The following WWTR1 variants were observed in gnomAD, a reference collection of about 807,000 sequenced individuals.
The protein encoded by WWTR1 is WW domain-containing transcription regulator protein 1.
In WWTR1, 13 loss-of-function variants were observed where a neutral mutation model predicts 40.1. That is an observed-to-expected ratio of 0.32 (90% CI 0.21 to 0.52). WWTR1 has a LOEUF of 0.52. Ranked by LOEUF, WWTR1 falls within the 20% of genes least tolerant of loss-of-function variation. The pLI, the probability that WWTR1 is intolerant of heterozygous loss-of-function variation, is 0.97. For missense variants in WWTR1, 436 were observed against 523.1 expected (o/e 0.83, Z 1.63); for synonymous variants, 230 against 210.1 (o/e 1.09, Z -0.82).
At position 149,528,015 on chromosome 3, in the gene WWTR1, G is replaced by A. The variant is rs184528833; in HGVS notation, c.772-46C>T. The A allele has an allele frequency of 1.5e-4, 239 of 1,590,600 alleles. 1 individual carries two copies. In the African/African-American group the frequency reaches 3.1e-3, roughly 20 times the overall value. On this transcript the variant is annotated intron_variant, in intron 4 of 6. Transcript: ENST00000360632. ...AAGAGTCATGCACTCATTGTCACAA[G>A]GCATGGAGCAAAGTGTACTTCACAT... is the stretch of plus-strand genomic sequence containing the variant.
chr3:149,652,216 A>C (rs752574024), intron 2 of WWTR1, among the ~76,000 whole-genome samples: 42 of 151,890 alleles, frequency 2.8e-4, no homozygotes, highest in Non-Finnish European at 5.3e-4. Flanking sequence ...AATACAGGTT[A>C]TGGGTTCAGG....
chr3:149,659,350 T>TTTTTTTTG (rs1713462576), upstream of WWTR1: 1 of 148,488 alleles, frequency 6.7e-6, no homozygotes, highest in African/African-American at 2.5e-5. Context: ...TTTTTTTTTT[T>TTTTTTTTG]GAGTGACGTC....
intron 1 of WWTR1, among the ~76,000 whole-genome samples, chr3:149,687,888 T>C (rs1163187173): frequency 6.6e-6 from 1 of 151,590 alleles, no homozygotes; most frequent in African/African-American, 2.4e-5. Context: ...TGAAGGGAGA[T>C]ACAAAGACCT....
At chr3:149,601,375 T>A (rs1836683) in intron 2 of WWTR1, among the ~76,000 whole-genome samples, 3,664 of 152,188 alleles carry the variant, frequency 0.024, 129 homozygotes, top group African/African-American at 0.085. Context: ...TTATTGTATT[T>A]TTAGTAAAGA....
At chr3:149,528,082 C>T in intron 4 of WWTR1, 113 bp from the exon 5 acceptor site, 1 of 1,354,486 alleles carries the variant, frequency 7.4e-7, no homozygotes, top group Non-Finnish European at 9.9e-7. Flanking sequence ...TATTTACTCC[C>T]AGCAAGTCAA....
Position 149,579,313 on chromosome 3 carries a change from G to C in WWTR1, c.432-6313C>G, listed in dbSNP as rs1278356731. Among the ~76,000 whole-genome samples the C allele has an allele frequency of 2.6e-5, 4 of 152,118 alleles. No homozygotes were observed. The East Asian group carries it at 7.7e-4, about 29-fold the overall frequency. ...CCTCTTCTTTTGCCACAACCTAGCT[G>C]AGCAGTTAAAGAGAACCACACCAAT... On this transcript the variant is annotated intron_variant, in intron 2 of 6. Coordinates refer to ENST00000360632, the MANE Select transcript of WWTR1 (RefSeq NM_015472.6).
At chr3:149,654,129 A>T (rs933480596) in intron 2 of WWTR1, among the ~76,000 whole-genome samples, 166 of 58,488 alleles carry the variant, frequency 2.8e-3, no homozygotes, top group Non-Finnish European at 2.1e-3. Flanking sequence ...TAAAAAAATT[A>T]AAAAAAAAAA....
intron 2 of WWTR1, among the ~76,000 whole-genome samples, chr3:149,589,168 C>T (rs533643977): frequency 1.3e-5 from 2 of 152,176 alleles, no homozygotes; most frequent in African/African-American, 4.8e-5. Flanking sequence ...TATCCAGCAC[C>T]TGTCAGCCTG....
At position 149,546,098 on chromosome 3, in the gene WWTR1, A is replaced by G. The variant is rs372787469; in HGVS notation, c.569-3561T>C. 3.3e-5 allele frequency among the ~76,000 whole-genome samples: 5 copies of G among 152,334 alleles called. No individual in the cohort carries two copies. In the East Asian group the frequency reaches 5.8e-4, roughly 18 times the overall value. ...GAGGAGCTCTTCCCAAGCCACATCT[A>G]TGTGAGTCTTTAAAACACTTGCCCC... On this transcript the variant is annotated intron_variant, in intron 3 of 6. Coordinates refer to ENST00000360632, the MANE Select transcript of WWTR1 (RefSeq NM_015472.6).
intron 5 of WWTR1, among the ~76,000 whole-genome samples, chr3:149,708,404 A>G (rs1715387385): frequency 6.6e-6 from 1 of 152,136 alleles, no homozygotes; most frequent in Non-Finnish European, 1.5e-5. Context: ...TGTACAACCA[A>G]TCTTCAGATC....
intron 1 of WWTR1, among the ~76,000 whole-genome samples, chr3:149,689,861 G>A (rs1008809837): frequency 2.0e-5 from 3 of 152,116 alleles, no homozygotes; most frequent in Non-Finnish European, 2.9e-5. Flanking sequence ...CATATCTTGA[G>A]TAGGAATACT....
intron 1 of WWTR1, chr3:149,702,807 C>T (rs1422956136): frequency 6.6e-6 from 1 of 152,196 alleles, no homozygotes; most frequent in East Asian, 1.9e-4. Flanking sequence ...ACCAGAATGA[C>T]CACTGCATTT....
intron 2 of WWTR1, among the ~76,000 whole-genome samples, chr3:149,632,033 C>T (rs1237819700): frequency 6.6e-6 from 1 of 152,064 alleles, no homozygotes; most frequent in Non-Finnish European, 1.5e-5. Flanking sequence ...CCTTAGCTCC[C>T]CTGAGTAGCT....
intron 2 of WWTR1, among the ~76,000 whole-genome samples, chr3:149,582,579 A>G (rs1361099230): frequency 2.0e-5 from 3 of 151,832 alleles, no homozygotes; most frequent in Non-Finnish European, 4.4e-5. Context: ...AAAAATCAAA[A>G]TATGAGTCGG....
chr3:149,703,779 C>T (rs189420905), upstream of WWTR1, among the ~76,000 whole-genome samples: 36 of 152,310 alleles, frequency 2.4e-4, no homozygotes, highest in African/African-American at 8.4e-4. Context: ...CAATTCCTCA[C>T]TGTCTCTTTT....
At chr3:149,597,498 A>T (rs948092341) in intron 2 of WWTR1, among the ~76,000 whole-genome samples, 2 of 151,976 alleles carry the variant, frequency 1.3e-5, no homozygotes, top group African/African-American at 4.8e-5. Flanking sequence ...AAAATTATCT[A>T]TCTAGGCGTG....
chr3:149,696,874 TC>T (rs1172728889), intron 1 of WWTR1, among the ~76,000 whole-genome samples: 3 of 152,154 alleles, frequency 2.0e-5, no homozygotes, highest in African/African-American at 7.2e-5. Flanking sequence ...TTGGGCACAC[TC>T]CCACAACAGT....
upstream of WWTR1, chr3:149,658,836 C>G (rs1713424888): frequency 6.6e-6 from 1 of 152,462 alleles, no homozygotes; most frequent in Non-Finnish European, 1.5e-5. Context: ...TTGCACCCCC[C>G]TCCCCCGCAA....
At chr3:149,564,015 A>G (rs1242220176) in intron 3 of WWTR1, among the ~76,000 whole-genome samples, 2 of 152,096 alleles carry the variant, frequency 1.3e-5, no homozygotes, top group Non-Finnish European at 2.9e-5. Context: ...TGGCCTCCCA[A>G]AGCGCTGGGA....
Sources: gnomAD v4.1 joint callset for allele counts (sites outside exome capture counted in the v4.1 genomes callset) on GRCh38, gnomAD v4.1.1 for gene constraint, MANE v1.5 for transcripts, NCBI Gene and HGNC (gene_info 2026-07-23, HGNC 2026-07-21) for gene names.